The following TRIM14 variants were observed in gnomAD, a reference collection of about 807,000 sequenced individuals.
TRIM14 encodes tripartite motif containing 14.
TRIM14 carries 28 observed loss-of-function variants against 44.5 expected under a neutral mutation model. The ratio of observed to expected loss-of-function variants is 0.63; its 90% CI spans 0.47 to 0.86. TRIM14 has a LOEUF of 0.86. Ranked by LOEUF, TRIM14 falls within the 40% of genes least tolerant of loss-of-function variation. TRIM14 has a pLI of 0.00. For synonymous variants in TRIM14, 299 were observed against 269.2 expected (o/e 1.11, Z -1.08); for missense variants, 607 against 611.1 (o/e 0.99, Z 0.07).
At chr9:98,052,771 G>A in the TRIM14 span, among the ~76,000 whole-genome samples, 1 of 152,212 alleles carries the variant, frequency 6.6e-6, no homozygotes, top group South Asian at 2.1e-4. Context: ...CTCCCAATGT[G>A]CTGGGAATAC....
At chr9:98,042,868 CAAAA>C in the TRIM14 span, among the ~76,000 whole-genome samples, 1 of 112,414 alleles carries the variant, frequency 8.9e-6, no homozygotes. Context: ...GACTCTACCT[CAAAA>C]AAAAAAAAAA....
rs150221901 is a variant in TRIM14, at chr9:98,111,320, C to T, written c.208-1336G>A. 1.4e-3 allele frequency among the ~76,000 whole-genome samples: 220 copies of T among 152,228 alleles called. 2 individuals carry two copies. The highest frequency in any genetic ancestry group is 0.01 in the Middle Eastern group (3 of 294). The stretch of plus-strand genomic sequence containing the variant: ...GAGCATGGTGGCTTGCACCTGTAAT[C>T]CCAGCTACTCAGGAGGCTGAGGTGG... On this transcript the variant is annotated intron_variant, in intron 1 of 5. Transcript: ENST00000341469.
At chr9:98,076,810 T>A in intron 6 of TRIM14, 1 of 824,916 alleles carries the variant, frequency 1.2e-6, no homozygotes, top group Non-Finnish European at 2.0e-6. Context: ...AGCGTCCCTC[T>A]ACTGCCTAAG....
At chr9:98,084,293 T>TG, downstream of TRIM14, 1 of 151,770 alleles carries the variant, frequency 6.6e-6, no homozygotes, top group Non-Finnish European at 1.5e-5. Context: ...GGCTTACCTG[T>TG]GGGGGTATCA....
chr9:98,092,517 G>T, intron 4 of TRIM14: 2 of 428,620 alleles, frequency 4.7e-6, no homozygotes, highest in Non-Finnish European at 9.4e-6. Flanking sequence ...AGTGCCTTCC[G>T]CCCCCATCAC....
Position 98,087,467 on chromosome 9 carries a change from C to A in TRIM14, c.*3G>T. 2 of 1,605,348 alleles carry A rather than the reference C, an allele frequency of 1.2e-6. No homozygotes were observed. The highest frequency in any genetic ancestry group is 1.7e-6 in the Non-Finnish European group (2 of 1,175,126). ...CTGGAGGCTGTCACGCCGGTCCTGGCCCCTAGGGCAGCCGGGGGATGCTGA... is the reference window on the plus strand; with the variant it reads ...CTGGAGGCTGTCACGCCGGTCCTGGACCCTAGGGCAGCCGGGGGATGCTGA... On this transcript the variant is annotated 3_prime_UTR_variant, in exon 6 of 6. Transcript: ENST00000341469.
rs531649121 is a variant in TRIM14, at chr9:98,095,598, A to C, written c.538-569T>G. Among the ~76,000 whole-genome samples the C allele has an allele frequency of 1.3e-5, 2 of 152,214 alleles. No individual in the cohort carries two copies. The highest frequency in any genetic ancestry group is 4.8e-5 in the African/African-American group (2 of 41,450). Reference sequence around the variant, plus strand: ...CATGTGTCCTGTTTTGCACCTGGACAGCCCCTCTTCAATACTTTCCTGTGG... The same window carrying C: ...CATGTGTCCTGTTTTGCACCTGGACCGCCCCTCTTCAATACTTTCCTGTGG... On this transcript the variant is annotated intron_variant, in intron 3 of 5. Transcript: ENST00000341469. This position sits in a 1 kb window ranked among gnomAD's most constrained non-coding sequence, Gnocchi z 4.1.
intron 3 of TRIM14, among the ~76,000 whole-genome samples, chr9:98,099,012 T>C (rs1252699583): frequency 6.6e-6 from 1 of 152,142 alleles, no homozygotes; most frequent in Non-Finnish European, 1.5e-5. Flanking sequence ...CCTCAAGTGA[T>C]CTGCCACAGG....
At chr9:98,115,974 T>C (rs1172139642) in intron 1 of TRIM14, 1 of 151,648 alleles carries the variant, frequency 6.6e-6, no homozygotes, top group Non-Finnish European at 1.5e-5. Context: ...GAAACCAGCC[T>C]GGGCAACATA....
chr9:98,097,359 C>T (rs973621417), intron 3 of TRIM14, among the ~76,000 whole-genome samples: 5 of 152,140 alleles, frequency 3.3e-5, no homozygotes, highest in African/African-American at 1.2e-4. Context: ...AGGCTGCACC[C>T]CAGCTGGTTC....
At chr9:98,055,976 G>A in the TRIM14 span, among the ~76,000 whole-genome samples, 1 of 152,026 alleles carries the variant, frequency 6.6e-6, no homozygotes, top group Non-Finnish European at 1.5e-5. Flanking sequence ...CTGACCTCAG[G>A]TGATCTGCCT....
chr9:98,079,044 G>A (rs1829728838), intron 6 of TRIM14, among the ~76,000 whole-genome samples: 1 of 152,012 alleles, frequency 6.6e-6, no homozygotes, highest in South Asian at 2.1e-4. Flanking sequence ...GAGCATCCCT[G>A]AGGCTCATAC....
At chr9:98,047,808 G>A in the TRIM14 span, among the ~76,000 whole-genome samples, 1 of 152,008 alleles carries the variant, frequency 6.6e-6, no homozygotes, top group East Asian at 1.9e-4. Context: ...CCTCATACCT[G>A]TAATCCCAGC....
chr9:98,071,307 G>A (rs1829329954), intron 6 of TRIM14, among the ~76,000 whole-genome samples: 1 of 152,222 alleles, frequency 6.6e-6, no homozygotes, highest in South Asian at 2.1e-4. Context: ...ACCCTGCTGT[G>A]TGGCCCATAC....
downstream of TRIM14, chr9:98,083,089 C>T (rs779902371): frequency 1.1e-5 from 18 of 1,597,734 alleles, no homozygotes; most frequent in Non-Finnish European, 1.5e-5. Flanking sequence ...TCTCAGTTCC[C>T]TTGCTGATGC....
chr9:98,061,026 C>A, the TRIM14 span: 2 of 1,608,262 alleles, frequency 1.2e-6, no homozygotes, highest in South Asian at 2.2e-5. Flanking sequence ...TGTCATTTGT[C>A]ACTTTAGCAG....
At chr9:98,077,649 G>A (rs911620496) in intron 6 of TRIM14, among the ~76,000 whole-genome samples, 10 of 152,270 alleles carry the variant, frequency 6.6e-5, no homozygotes, top group East Asian at 1.9e-4. Flanking sequence ...GTTTGAGACC[G>A]CAGTGGGACA....
At chr9:98,061,778 CAA>C in the TRIM14 span, among the ~76,000 whole-genome samples, 2 of 116,100 alleles carry the variant, frequency 1.7e-5, no homozygotes, top group Non-Finnish European at 1.8e-5. Flanking sequence ...GATTCCGTCT[CAA>C]AAAAAAAAAA....
chr9:98,078,206 G>T (rs2117966905), intron 6 of TRIM14: 1 of 1,614,190 alleles, frequency 6.2e-7, no homozygotes, highest in Non-Finnish European at 8.5e-7. Context: ...GCCCAATGGT[G>T]ATCTCCAGTG....
Sources: allele counts gnomAD v4.1 joint callset (sites outside exome capture counted in the v4.1 genomes callset), GRCh38; gene constraint gnomAD v4.1.1; non-coding constraint Gnocchi (gnomAD v3.1); transcripts MANE v1.5; gene names NCBI Gene and HGNC (gene_info 2026-07-23, HGNC 2026-07-21).